Variants in BCAS3 observed in about 807,000 individuals in gnomAD.
BCAS3 encodes BCAS4/BCAS3 fusion.
BCAS3 carries 53 observed loss-of-function variants against 116.1 expected under a neutral mutation model. The ratio of observed to expected loss-of-function variants is 0.46; its 90% CI spans 0.37 to 0.57. The LOEUF is 0.57. Among genes scored for constraint, BCAS3 ranks in the 20% least tolerant of loss-of-function variants. BCAS3 has a pLI of 0.00. For synonymous variants in BCAS3, 391 were observed against 408.2 expected (o/e 0.96, Z 0.51); for missense variants, 917 against 1,165.4 (o/e 0.79, Z 3.10).
At chr17:60,801,551 C>T (rs2047779858) in intron 6 of BCAS3, among the ~76,000 whole-genome samples, 1 of 151,958 alleles carries the variant, frequency 6.6e-6, no homozygotes, top group African/African-American at 2.4e-5. Context: ...TGAGAGTGGA[C>T]ACTCTTGCTT....
chr17:60,764,889 G>A (rs2144374628), intron 6 of BCAS3, among the ~76,000 whole-genome samples: 1 of 152,228 alleles, frequency 6.6e-6, no homozygotes, highest in South Asian at 2.1e-4. Context: ...CCTGTATTGG[G>A]TGCATATATA....
intron 22 of BCAS3, among the ~76,000 whole-genome samples, chr17:61,197,495 A>C (rs1333806831): frequency 6.6e-6 from 1 of 152,226 alleles, no homozygotes; most frequent in Non-Finnish European, 1.5e-5. Flanking sequence ...AAGTTAGGTA[A>C]TGCATTTTCC....
chr17:61,290,925 T>C (rs979454757), intron 22 of BCAS3, among the ~76,000 whole-genome samples: 56 of 152,192 alleles, frequency 3.7e-4, no homozygotes, highest in Middle Eastern at 3.4e-3. Context: ...GGACTACAGG[T>C]GCCTGCCACC....
In BCAS3 at chr17:61,380,896, G is replaced by A. The variant is rs1465026668; in HGVS notation, c.2594-11081G>A. ...GCATTTACCATTGACTGCCCCTCTT[G>A]TAGTGCGTCTATTAGTGAGTAATTT... On this transcript the variant is annotated intron_variant, in intron 23 of 23. Transcript: ENST00000407086. The surrounding 1 kb of genome is among the most constrained non-coding windows in gnomAD (Gnocchi z 4.2). 9.2e-5 allele frequency among the ~76,000 whole-genome samples: 14 copies of A among 152,224 alleles called. No homozygotes were observed. Among genetic ancestry groups the A allele is most frequent in the Non-Finnish European group, 1.5e-5 (1 of 68,038 alleles).
chr17:61,209,490 G>A (rs2081332437), intron 22 of BCAS3, among the ~76,000 whole-genome samples: 1 of 152,158 alleles, frequency 6.6e-6, no homozygotes, highest in Non-Finnish European at 1.5e-5. Flanking sequence ...AGGGGAGGAG[G>A]GAAAGGATGA....
chr17:61,336,879 A>G (rs895701455), intron 22 of BCAS3, among the ~76,000 whole-genome samples: 11 of 152,098 alleles, frequency 7.2e-5, no homozygotes, highest in African/African-American at 1.2e-4. Flanking sequence ...TTGGGAGGCC[A>G]AGGCGGGCAG....
At chr17:61,146,483 CT>C in intron 22 of BCAS3, among the ~76,000 whole-genome samples, 1 of 152,134 alleles carries the variant, frequency 6.6e-6, no homozygotes, top group East Asian at 1.9e-4. Flanking sequence ...GAAATACTTA[CT>C]GTTTAAAATG....
chr17:60,735,654 A>G (rs2040880058), intron 5 of BCAS3, among the ~76,000 whole-genome samples: 1 of 151,836 alleles, frequency 6.6e-6, no homozygotes, highest in Admixed American at 6.6e-5. Flanking sequence ...GGGTTTCGCC[A>G]TGTTGCCTAG....
intron 9 of BCAS3, among the ~76,000 whole-genome samples, chr17:60,882,107 T>A (rs2056220013): frequency 6.7e-6 from 1 of 150,288 alleles, no homozygotes; most frequent in South Asian, 2.1e-4. Context: ...CACCTGTTGT[T>A]TCCTGACTTT....
rs559403822 is a variant in BCAS3, at chr17:60,706,745, C to A, written c.215-2474C>A. On this transcript the variant is annotated intron_variant, in intron 4 of 23. Transcript: ENST00000407086. The stretch of plus-strand genomic sequence containing the variant: ...CTGTATTCCAGCCTGGACAACAGAG[C>A]AAGACTCTGTCTCAAAAAACAAAAC... Among the ~76,000 whole-genome samples, 10 of 150,080 alleles carry A rather than the reference C, an allele frequency of 6.7e-5. No homozygotes were observed. In the South Asian group the frequency reaches 2.1e-3, roughly 31 times the overall value.
rs193017791 is a variant in BCAS3, at chr17:61,096,811, G to A, written c.2425+12247G>A. Among the ~76,000 whole-genome samples, 16 of 152,218 alleles carry A rather than the reference G, an allele frequency of 1.1e-4. No homozygotes were observed. The East Asian group carries it at 2.9e-3, about 28-fold the overall frequency. The stretch of plus-strand genomic sequence containing the variant: ...GAGGAAGGGTTTATTATTTCACTAT[G>A]AAGTATAATGACAATAAGCAAAAAT... On this transcript the variant is annotated intron_variant, in intron 22 of 23. Coordinates refer to ENST00000407086, the MANE Select transcript of BCAS3 (RefSeq NM_017679.5).
rs1021411192 is a variant in BCAS3, at chr17:61,199,355, AAC to A, written c.2425+114795_2425+114796del. Among the ~76,000 whole-genome samples the A allele has an allele frequency of 2.0e-5, 3 of 152,292 alleles. No homozygotes were observed. The highest frequency in any genetic ancestry group is 7.2e-5 in the African/African-American group (3 of 41,556). ...CTGCTTCCCTGTCAAACATTAGAAAAACACAGGTGGGCACCTAGTGCATGGTG... is the reference window on the plus strand; with the variant it reads ...CTGCTTCCCTGTCAAACATTAGAAAAACAGGTGGGCACCTAGTGCATGGTG... On this transcript the variant is annotated intron_variant, in intron 22 of 23. Transcript: ENST00000407086. The surrounding 1 kb of genome is among the most constrained non-coding windows in gnomAD (Gnocchi z 4.6).
rs897994582 is a variant in BCAS3 at position 61,244,812 on chromosome 17, G to A, written c.2426-123515G>A. Reference sequence around the variant, plus strand: ...CAGGAGGCAGAGCTTGCAGTGAGCCGAGATCGCGCCACTGTACCCCAGCCT... The same window carrying A: ...CAGGAGGCAGAGCTTGCAGTGAGCCAAGATCGCGCCACTGTACCCCAGCCT... On this transcript the variant is annotated intron_variant, in intron 22 of 23. Transcript: ENST00000407086. The surrounding 1 kb of genome is among the most constrained non-coding windows in gnomAD (Gnocchi z 4.9). 9.2e-5 allele frequency among the ~76,000 whole-genome samples: 14 copies of A among 152,094 alleles called. No homozygotes were observed. Among genetic ancestry groups the A allele is most frequent in the African/African-American group, 2.2e-4 (9 of 41,428 alleles).
At position 61,387,842 on chromosome 17, in the gene BCAS3, G is replaced by A. The variant is rs1355274677; in HGVS notation, c.2594-4135G>A. 6.6e-6 allele frequency among the ~76,000 whole-genome samples: 1 copy of A among 152,112 alleles called. No homozygotes were observed. The highest frequency in any genetic ancestry group is 1.5e-5 in the Non-Finnish European group (1 of 68,018). On this transcript the variant is annotated intron_variant, in intron 23 of 23. Transcript: ENST00000407086. The surrounding 1 kb of genome is among the most constrained non-coding windows in gnomAD (Gnocchi z 6.2). Reference sequence around the variant, plus strand: ...CCTTGGTTTTGCTCTCTGCAATGTGGGTATATAGCTCCCACCACCCAGGGG... The same window carrying A: ...CCTTGGTTTTGCTCTCTGCAATGTGAGTATATAGCTCCCACCACCCAGGGG...
intron 5 of BCAS3, among the ~76,000 whole-genome samples, chr17:60,721,932 T>C (rs1341914224): frequency 6.6e-6 from 1 of 152,160 alleles, no homozygotes; most frequent in East Asian, 1.9e-4. Flanking sequence ...TTTCTATTCT[T>C]GAATGTCTAA....
chr17:60,908,841 A>G (rs2058333308), intron 11 of BCAS3, among the ~76,000 whole-genome samples: 1 of 152,092 alleles, frequency 6.6e-6, no homozygotes, highest in African/African-American at 2.4e-5. Flanking sequence ...ATTTATTAGT[A>G]TATTATTATG....
In BCAS3 at chr17:61,229,639, A is replaced by G. The variant is rs914172911; in HGVS notation, c.2426-138688A>G. On this transcript the variant is annotated intron_variant, in intron 22 of 23. Transcript: ENST00000407086. This position sits in a 1 kb window ranked among gnomAD's most constrained non-coding sequence, Gnocchi z 4.4. ...GACCAATTTTCTTTGTCTAAATACA[A>G]TAGTTTTCCTTCCAGGCAGCCTCAG... Among the ~76,000 whole-genome samples the G allele has an allele frequency of 1.8e-4, 27 of 152,154 alleles. No homozygotes were observed. The highest frequency in any genetic ancestry group is 3.5e-4 in the Non-Finnish European group (24 of 68,026).
chr17:60,986,463 G>A (rs1809379307), intron 14 of BCAS3, among the ~76,000 whole-genome samples: 1 of 152,158 alleles, frequency 6.6e-6, no homozygotes, highest in Non-Finnish European at 1.5e-5. Flanking sequence ...CACCAATAGT[G>A]TATGAGGGTT....
Position 61,186,848 on chromosome 17 carries a change from G to C in BCAS3, c.2425+102284G>C, listed in dbSNP as rs1284099086. Among the ~76,000 whole-genome samples, 2 of 152,082 alleles carry C rather than the reference G, an allele frequency of 1.3e-5. No homozygotes were observed. Among genetic ancestry groups the C allele is most frequent in the Admixed American group, 6.5e-5 (1 of 15,288 alleles). ...GCCTCAGCCTCCCAAGTAGCTGGGA[G>C]TACAGGCACCCGCCACCATGTCCAG... On this transcript the variant is annotated intron_variant, in intron 22 of 23. Transcript: ENST00000407086. The surrounding 1 kb of genome is among the most constrained non-coding windows in gnomAD (Gnocchi z 4.9).
Sources: gnomAD v4.1 joint callset for allele counts (sites outside exome capture counted in the v4.1 genomes callset) on GRCh38, gnomAD v4.1.1 for gene constraint, Gnocchi (gnomAD v3.1) non-coding constraint, MANE v1.5 for transcripts, NCBI Gene and HGNC (gene_info 2026-07-23, HGNC 2026-07-21) for gene names.